Variants in CNTNAP2 observed in about 807,000 individuals in gnomAD.
The protein encoded by CNTNAP2 is contactin associated protein 2, also known as contactin-associated protein-like 2.
In CNTNAP2, 98 loss-of-function variants were observed where a neutral mutation model predicts 155.2. The ratio of observed to expected loss-of-function variants is 0.63; its 90% CI spans 0.54 to 0.75. The LOEUF (loss-of-function observed/expected upper bound fraction) is 0.75. Among genes scored for constraint, CNTNAP2 ranks in the 30% least tolerant of loss-of-function variants. The pLI, the probability that CNTNAP2 is intolerant of heterozygous loss-of-function variation, is 0.00. For synonymous variants in CNTNAP2, 651 were observed against 631.2 expected (o/e 1.03, Z -0.47); for missense variants, 1,727 against 1,688.1 (o/e 1.02, Z -0.40).
At chr7:146,278,831 G>C (rs867732482) in intron 1 of CNTNAP2, among the ~76,000 whole-genome samples, 4 of 152,032 alleles carry the variant, frequency 2.6e-5, no homozygotes, top group Non-Finnish European at 5.9e-5. Flanking sequence ...TTATTACAGC[G>C]CTAAAAATAG....
chr7:147,131,449 T>G (rs1801357724), intron 7 of CNTNAP2, among the ~76,000 whole-genome samples: 1 of 152,036 alleles, frequency 6.6e-6, no homozygotes, highest in African/African-American at 2.4e-5. Context: ...TTAGTGTATC[T>G]GAATGATAAA....
chr7:146,351,113 G>T (rs1794908579), intron 1 of CNTNAP2, among the ~76,000 whole-genome samples: 1 of 151,384 alleles, frequency 6.6e-6, no homozygotes, highest in Non-Finnish European at 1.5e-5. Context: ...ACACCAGCAT[G>T]GCACATATAT....
rs58537091 is a variant in CNTNAP2, at chr7:147,919,459, C to CTTTCTTTCTTTTTTTTTT, written c.2255+15741_2255+15742insCTTTCTTTTTTTTTTTTT. 3.1e-4 allele frequency among the ~76,000 whole-genome samples: 16 copies of CTTTCTTTCTTTTTTTTTT among 51,230 alleles called. 2 individuals carry two copies. The highest frequency in any genetic ancestry group is 1.7e-3 in the African/African-American group (16 of 9,300). 33.6% of individuals were successfully genotyped at this position (51,230 alleles called of 152,430 possible). On this transcript the variant is annotated intron_variant, in intron 14 of 23. Transcript: ENST00000361727. ...CACCATGTCTGGCTACTTTTTCTTT[C>CTTTCTTTCTTTTTTTTTT]TTTTTTTTTTTTTTTTTGAGACAGA...
intron 1 of CNTNAP2, among the ~76,000 whole-genome samples, chr7:146,563,731 T>C (rs117887362): frequency 0.012 from 1,752 of 152,300 alleles, 39 homozygotes; most frequent in South Asian, 0.014. Flanking sequence ...GAATTAGTTT[T>C]GAGAAAAGCT....
chr7:147,886,472 T>A (rs1188042939), intron 13 of CNTNAP2, among the ~76,000 whole-genome samples: 1 of 60,814 alleles, frequency 1.6e-5, no homozygotes, highest in Non-Finnish European at 2.5e-5. Context: ...GGAAACTCCA[T>A]CTCAAAAAAA....
chr7:147,109,310 A>G (rs1157236676), intron 5 of CNTNAP2, among the ~76,000 whole-genome samples: 1 of 152,194 alleles, frequency 6.6e-6, no homozygotes, highest in Non-Finnish European at 1.5e-5. Flanking sequence ...GGTTGGATAT[A>G]GCCTAAGAAG....
At chr7:147,623,669 C>T (rs891639540) in intron 12 of CNTNAP2, among the ~76,000 whole-genome samples, 89 of 151,858 alleles carry the variant, frequency 5.9e-4, no homozygotes, top group Admixed American at 1.2e-3. Flanking sequence ...TTAAAATGTC[C>T]GTCCTTCCCA....
intron 1 of CNTNAP2, among the ~76,000 whole-genome samples, chr7:146,666,054 T>C (rs960522144): frequency 6.6e-6 from 1 of 152,052 alleles, no homozygotes; most frequent in African/African-American, 2.4e-5. Flanking sequence ...TTATTAACTA[T>C]AATCATCCTA....
chr7:146,707,791 T>C (rs1003685934), intron 1 of CNTNAP2, among the ~76,000 whole-genome samples: 1 of 152,200 alleles, frequency 6.6e-6, no homozygotes, highest in African/African-American at 2.4e-5. Flanking sequence ...ATTTGTGTCA[T>C]TATCAAAATA....
chr7:146,149,576 C>T (rs142261806), intron 1 of CNTNAP2, among the ~76,000 whole-genome samples: 252 of 152,056 alleles, frequency 1.7e-3, no homozygotes, highest in African/African-American at 5.8e-3. Flanking sequence ...AAGAACAGAA[C>T]GGAGTCCAGA....
At chr7:147,802,451 C>G (rs564117653) in intron 13 of CNTNAP2, among the ~76,000 whole-genome samples, 14 of 152,096 alleles carry the variant, frequency 9.2e-5, no homozygotes, top group Admixed American at 6.5e-5. Context: ...TTGTAGCGAG[C>G]CGAGATCAGG....
intron 11 of CNTNAP2, among the ~76,000 whole-genome samples, chr7:147,549,455 C>G (rs1378199845): frequency 6.6e-6 from 1 of 152,040 alleles, no homozygotes; most frequent in Non-Finnish European, 1.5e-5. Context: ...GATTTTGTAT[C>G]CTGAGATTTT....
intron 15 of CNTNAP2, among the ~76,000 whole-genome samples, chr7:148,055,152 G>A (rs1451776865): frequency 2.6e-5 from 4 of 152,092 alleles, no homozygotes; most frequent in Admixed American, 2.6e-4. Flanking sequence ...CCAAAGTGCT[G>A]GGATTATAGG....
intron 1 of CNTNAP2, among the ~76,000 whole-genome samples, chr7:146,133,669 G>A (rs2116741235): frequency 6.6e-6 from 1 of 152,198 alleles, no homozygotes; most frequent in Non-Finnish European, 1.5e-5. Flanking sequence ...ATTAAATAGG[G>A]AATCCTTTCC....
At chr7:146,599,743 G>GAGATAGATAGATAGAT (rs60717424) in intron 1 of CNTNAP2, among the ~76,000 whole-genome samples, 10,213 of 145,594 alleles carry the variant, frequency 0.07, 459 homozygotes, top group African/African-American at 0.11. Flanking sequence ...ACGACAGACA[G>GAGATAGATAGATAGAT]AGATAGATAG....
chr7:147,783,029 G>A (rs1424487674), intron 13 of CNTNAP2, among the ~76,000 whole-genome samples: 2 of 152,194 alleles, frequency 1.3e-5, no homozygotes, highest in Non-Finnish European at 2.9e-5. Context: ...TATGGACAGT[G>A]CCAGGTACAT....
At chr7:147,525,079 G>A (rs1047894356) in intron 11 of CNTNAP2, among the ~76,000 whole-genome samples, 3 of 152,202 alleles carry the variant, frequency 2.0e-5, no homozygotes, top group Admixed American at 1.3e-4. Flanking sequence ...TGGCAGGCAT[G>A]AGAGCCACAA....
intron 13 of CNTNAP2, among the ~76,000 whole-genome samples, chr7:147,830,658 G>A (rs1236111510): frequency 1.3e-5 from 2 of 152,200 alleles, no homozygotes; most frequent in African/African-American, 4.8e-5. Flanking sequence ...TGCCAAGCAT[G>A]GAAAGACCAT....
In CNTNAP2 at chr7:148,187,147, C is replaced by CACACACACACACACAA. The variant is rs1197880658; in HGVS notation, c.3010+14670_3010+14671insCACACACACACACAAA. Reference sequence around the variant, plus strand: ...ACACACACACACACACACACACACACAAACAGAGCCAGGTGTGAGCTGGAC... The same window carrying CACACACACACACACAA: ...ACACACACACACACACACACACACACACACACACACACACAAAAACAGAGCCAGGTGTGAGCTGGAC... On this transcript the variant is annotated intron_variant, in intron 18 of 23. Coordinates refer to ENST00000361727, the MANE Select transcript of CNTNAP2 (RefSeq NM_014141.6). 5.9e-3 allele frequency among the ~76,000 whole-genome samples: 399 copies of CACACACACACACACAA among 67,192 alleles called. 22 individuals carry two copies. The highest frequency in any genetic ancestry group is 0.011 in the African/African-American group (348 of 32,234). The allele number at this position is 67,192 out of a possible 152,430, so 44.1% of individuals were successfully genotyped here. A position where few individuals can be genotyped will look rare whatever the true frequency, so the allele number is the denominator to read the frequency against.
Sources: gnomAD v4.1 joint callset for allele counts (sites outside exome capture counted in the v4.1 genomes callset) on GRCh38, gnomAD v4.1.1 for gene constraint, MANE v1.5 for transcripts, NCBI Gene and HGNC (gene_info 2026-07-23, HGNC 2026-07-21) for gene names.